The following PLCL1 variants were observed in gnomAD, a reference collection of about 807,000 sequenced individuals.
PLCL1 encodes inactive phospholipase C-like protein 1.
Under a neutral mutation model 84.4 loss-of-function variants are expected in PLCL1, and 41 were observed. That is an observed-to-expected ratio of 0.49 (90% CI 0.38 to 0.63). The LOEUF (loss-of-function observed/expected upper bound fraction) is 0.63. PLCL1 is among the 30% of genes least tolerant of loss of function. The pLI is 0.00. For synonymous variants in PLCL1, 490 were observed against 488.3 expected, an observed-to-expected ratio of 1.00 and a Z score of -0.05; for missense variants, 1,206 against 1,367.8, an observed-to-expected ratio of 0.88 and a Z score of 1.87.
At chr2:198,065,813 G>A (rs777138245) in intron 1 of PLCL1, among the ~76,000 whole-genome samples, 1 of 152,108 alleles carries the variant, frequency 6.6e-6, no homozygotes, top group Non-Finnish European at 1.5e-5. Flanking sequence ...TTTGCCTTTT[G>A]CCAGTTTAGG....
chr2:198,021,706 T>A (rs2105840204), intron 1 of PLCL1, among the ~76,000 whole-genome samples: 1 of 152,130 alleles, frequency 6.6e-6, no homozygotes, highest in South Asian at 2.1e-4. Context: ...AGAAGTCAAA[T>A]CCCTGAATAG....
intron 1 of PLCL1, among the ~76,000 whole-genome samples, chr2:197,842,414 C>G (rs909843409): frequency 1.3e-5 from 2 of 152,100 alleles, no homozygotes; most frequent in Admixed American, 1.3e-4. Context: ...CCAGGACTCT[C>G]TCACACTCTT....
At chr2:197,885,299 G>A (rs1281322555) in intron 1 of PLCL1, among the ~76,000 whole-genome samples, 1 of 152,164 alleles carries the variant, frequency 6.6e-6, no homozygotes, top group Admixed American at 6.5e-5. Flanking sequence ...GACAGCTGGT[G>A]GTGTAATTCA....
chr2:197,827,539 CA>C (rs1005859495), intron 1 of PLCL1, among the ~76,000 whole-genome samples: 7 of 151,924 alleles, frequency 4.6e-5, no homozygotes, highest in Admixed American at 2.0e-4. Flanking sequence ...TCAGAGTCGA[CA>C]AGAGGATATA....
chr2:198,121,474 G>GATTTTT (rs1462495399), intron 5 of PLCL1, among the ~76,000 whole-genome samples: 1 of 151,896 alleles, frequency 6.6e-6, no homozygotes, highest in African/African-American at 2.4e-5. Context: ...ATTTTGATTT[G>GATTTTT]ATTTTTGTAA....
chr2:198,021,643 G>T (rs1489444009), intron 1 of PLCL1, among the ~76,000 whole-genome samples: 2 of 152,136 alleles, frequency 1.3e-5, no homozygotes, highest in African/African-American at 4.8e-5. Context: ...AGAAATTCTA[G>T]AAGAAATGGA....
At chr2:198,139,686 AG>A (rs1376530219) in intron 5 of PLCL1, among the ~76,000 whole-genome samples, 1 of 152,190 alleles carries the variant, frequency 6.6e-6, no homozygotes, top group African/African-American at 2.4e-5. Flanking sequence ...TTTGTTTCAA[AG>A]GGTTGGTTTT....
At chr2:197,967,988 G>A (rs1374618011) in intron 1 of PLCL1, among the ~76,000 whole-genome samples, 1 of 152,144 alleles carries the variant, frequency 6.6e-6, no homozygotes, top group Non-Finnish European at 1.5e-5. Flanking sequence ...TCCCCCTGGT[G>A]ATGTGTGGCT....
intron 1 of PLCL1, among the ~76,000 whole-genome samples, chr2:197,868,452 T>C (rs1357446343): frequency 2.0e-5 from 3 of 152,192 alleles, no homozygotes. Flanking sequence ...CTTTATTCAC[T>C]GGAAAACCCT....
chr2:197,805,982 G>T lies in PLCL1; in HGVS notation c.240+643G>T, dbSNP rs957967526. ...ATCCAGGGAAAACGCTTCCTGACCC[G>T]CTAATCACCTCACAGAATTTCTCTC... On this transcript the variant is annotated intron_variant, in intron 1 of 5. Transcript: ENST00000428675. This position sits in a 1 kb window ranked among gnomAD's most constrained non-coding sequence, Gnocchi z 4.0. 3.3e-5 allele frequency among the ~76,000 whole-genome samples: 5 copies of T among 152,152 alleles called. No homozygotes were observed. Among genetic ancestry groups the T allele is most frequent in the Admixed American group, 6.5e-5 (1 of 15,286 alleles).
At chr2:198,043,783 T>A (rs1691722552) in intron 1 of PLCL1, among the ~76,000 whole-genome samples, 1 of 151,672 alleles carries the variant, frequency 6.6e-6, no homozygotes, top group African/African-American at 2.4e-5. Flanking sequence ...GCAGAGTAAG[T>A]CCAAATCTCA....
At chr2:198,042,412 G>A (rs1691687143) in intron 1 of PLCL1, among the ~76,000 whole-genome samples, 1 of 152,186 alleles carries the variant, frequency 6.6e-6, no homozygotes, top group African/African-American at 2.4e-5. Context: ...TAGCACACCA[G>A]CTGAACCGGA....
At chr2:197,889,860 G>C (rs1159638926) in intron 1 of PLCL1, among the ~76,000 whole-genome samples, 1 of 152,102 alleles carries the variant, frequency 6.6e-6, no homozygotes, top group East Asian at 1.9e-4. Context: ...TTGAGTTCAT[G>C]TAAAATATTA....
At position 197,922,570 on chromosome 2, in the gene PLCL1, T is replaced by C. The variant is rs1170757651; in HGVS notation, c.240+117231T>C. On this transcript the variant is annotated intron_variant, in intron 1 of 5. Coordinates refer to ENST00000428675, the MANE Select transcript of PLCL1 (RefSeq NM_006226.4). Reference sequence around the variant, plus strand: ...GTGGTGGCCGGGCAGAGGGGCTCCTTACTTCCCAGTAGGGGCAGCCGGGCA... The same window carrying C: ...GTGGTGGCCGGGCAGAGGGGCTCCTCACTTCCCAGTAGGGGCAGCCGGGCA... Among the ~76,000 whole-genome samples the C allele has an allele frequency of 4.7e-5, 6 of 127,290 alleles. 1 individual carries two copies. The highest frequency in any genetic ancestry group is 2.7e-4 in the South Asian group (1 of 3,760). The allele number at this position is 127,290 out of a possible 152,430, so 83.5% of individuals were successfully genotyped here. A position where few individuals can be genotyped will look rare whatever the true frequency, so the allele number is the denominator to read the frequency against.
intron 3 of PLCL1, among the ~76,000 whole-genome samples, chr2:198,099,841 A>G (rs1368481399): frequency 6.6e-6 from 1 of 152,200 alleles, no homozygotes; most frequent in Non-Finnish European, 1.5e-5. Flanking sequence ...ACCTCAAATA[A>G]GCATGTAATA....
intron 1 of PLCL1, among the ~76,000 whole-genome samples, chr2:197,822,881 C>A (rs978257632): frequency 6.6e-6 from 1 of 152,064 alleles, no homozygotes; most frequent in Non-Finnish European, 1.5e-5. Flanking sequence ...CACAGTTCAG[C>A]AAAGTTGTCT....
chr2:197,825,822 T>C (rs1217162213), intron 1 of PLCL1, among the ~76,000 whole-genome samples: 1 of 152,216 alleles, frequency 6.6e-6, no homozygotes, highest in East Asian at 1.9e-4. Context: ...ATTGGTAAAA[T>C]GGGAATTTTA....
At chr2:197,885,082 G>A (rs1240244757) in intron 1 of PLCL1, among the ~76,000 whole-genome samples, 2 of 152,136 alleles carry the variant, frequency 1.3e-5, no homozygotes, top group Non-Finnish European at 1.5e-5. Flanking sequence ...CCTGTCCCGC[G>A]AATGTACCCA....
In PLCL1 at chr2:197,942,750, A is replaced by G. The variant is rs146305672; in HGVS notation, c.240+137411A>G. ...GAAGTACTGTCCTGATTTATCCTTG[A>G]TGTGTTCATCACAGGTTCTCTTGTC... is the stretch of plus-strand genomic sequence containing the variant. On this transcript the variant is annotated intron_variant, in intron 1 of 5. Transcript: ENST00000428675. Among the ~76,000 whole-genome samples the G allele has an allele frequency of 3.7e-3, 560 of 152,280 alleles. 5 individuals carry two copies. The highest frequency in any genetic ancestry group is 0.013 in the African/African-American group (534 of 41,542).
Sources: allele counts gnomAD v4.1 joint callset (sites outside exome capture counted in the v4.1 genomes callset), GRCh38; gene constraint gnomAD v4.1.1; non-coding constraint Gnocchi (gnomAD v3.1); transcripts MANE v1.5; gene names NCBI Gene and HGNC (gene_info 2026-07-23, HGNC 2026-07-21).